The following FUT8 variants were observed in gnomAD, a reference collection of about 807,000 sequenced individuals.
FUT8 encodes alpha-(1,6)-fucosyltransferase.
A neutral mutation model predicts 71.3 loss-of-function variants in FUT8; 29 were observed. The ratio of observed to expected loss-of-function variants is 0.41; its 90% CI spans 0.30 to 0.55. The LOEUF is 0.55. FUT8 is among the 20% of genes least tolerant of loss of function. FUT8 has a pLI of 0.34. For missense variants in FUT8, 544 were observed against 702.1 expected, an observed-to-expected ratio of 0.77 and a Z score of 2.55; for synonymous variants, 254 against 239.3, an observed-to-expected ratio of 1.06 and a Z score of -0.57.
chr14:65,585,219 G>T (rs1250703346), intron 3 of FUT8, among the ~76,000 whole-genome samples: 1 of 151,886 alleles, frequency 6.6e-6, no homozygotes, highest in African/African-American at 2.4e-5. Context: ...TAAAGGCAGG[G>T]TTTCACTCTG....
At chr14:65,564,029 C>T (rs1442857773) in intron 3 of FUT8, among the ~76,000 whole-genome samples, 1 of 151,864 alleles carries the variant, frequency 6.6e-6, no homozygotes, top group African/African-American at 2.4e-5. Flanking sequence ...AGTTATTTTC[C>T]CTCAACCTCA....
At chr14:65,497,388 A>G (rs2066575889) in intron 2 of FUT8, among the ~76,000 whole-genome samples, 1 of 152,182 alleles carries the variant, frequency 6.6e-6, no homozygotes, top group African/African-American at 2.4e-5. Context: ...TGTGTTTGTC[A>G]TCTGAAACTC....
intron 3 of FUT8, among the ~76,000 whole-genome samples, chr14:65,612,419 GT>G (rs542422289): frequency 1.1e-3 from 174 of 152,294 alleles, no homozygotes; most frequent in African/African-American, 3.8e-3. Flanking sequence ...ATCAGGAACT[GT>G]TTCTACCTAA....
chr14:65,697,921 GCTGAGATCACGCCATT>G (rs1223579755), intron 7 of FUT8, among the ~76,000 whole-genome samples: 2 of 151,884 alleles, frequency 1.3e-5, no homozygotes, highest in East Asian at 3.9e-4. Flanking sequence ...GTTGCAGTGA[GCTGAGATCACGCCATT>G]CTGAGATCAC....
intron 2 of FUT8, among the ~76,000 whole-genome samples, chr14:65,474,582 T>C (rs2066206168): frequency 6.6e-6 from 1 of 151,912 alleles, no homozygotes; most frequent in South Asian, 2.1e-4. Context: ...AGCAAAACTC[T>C]GTCTCAAAAA....
At chr14:65,454,038 T>C (rs1040605130) in intron 1 of FUT8, among the ~76,000 whole-genome samples, 3 of 152,220 alleles carry the variant, frequency 2.0e-5, no homozygotes, top group African/African-American at 7.2e-5. Context: ...AGATCTACAC[T>C]AATTGTTGTT....
chr14:65,406,402 C>T (rs962210622), upstream of FUT8, among the ~76,000 whole-genome samples: 5 of 152,244 alleles, frequency 3.3e-5, no homozygotes, highest in African/African-American at 1.2e-4. Flanking sequence ...AATACCATGG[C>T]ACTGGCTTTT....
chr14:65,629,368 A>C, intron 5 of FUT8, 124 bp from the exon 6 acceptor site: 2 of 553,166 alleles, frequency 3.6e-6, no homozygotes, highest in Non-Finnish European at 6.4e-6. Context: ...AAAATAAAAG[A>C]TGAGTACCAG....
intron 3 of FUT8, among the ~76,000 whole-genome samples, chr14:65,592,411 T>G (rs1887741634): frequency 6.6e-6 from 1 of 152,060 alleles, no homozygotes; most frequent in South Asian, 2.1e-4. Flanking sequence ...ACCTAAGTGG[T>G]GAGGTCTGCT....
chr14:65,600,587 C>T (rs1888241577), intron 3 of FUT8, among the ~76,000 whole-genome samples: 1 of 152,064 alleles, frequency 6.6e-6, no homozygotes, highest in African/African-American at 2.4e-5. Context: ...TATTTTGCAG[C>T]TGTTAAAATA....
chr14:65,731,659 T>C (rs1342961044), intron 9 of FUT8, among the ~76,000 whole-genome samples: 1 of 152,144 alleles, frequency 6.6e-6, no homozygotes, highest in Non-Finnish European at 1.5e-5. Flanking sequence ...GGAACTTAGG[T>C]ACCTTTTTTT....
In FUT8 at chr14:65,603,903, G is replaced by T. The variant is rs1888435442; in HGVS notation, c.204-12075G>T. ...ATTGACATAAACTTAAGGTACAGGG[G>T]TGGAAAAAGACATTTCATGCAAATG... On this transcript the variant is annotated intron_variant, in intron 3 of 10. Transcript: ENST00000673929. The surrounding 1 kb of genome is among the most constrained non-coding windows in gnomAD (Gnocchi z 4.5). 1.3e-5 allele frequency among the ~76,000 whole-genome samples: 2 copies of T among 151,760 alleles called. No individual in the cohort carries two copies. The highest frequency in any genetic ancestry group is 1.3e-4 in the Admixed American group (2 of 15,198).
rs139735948 is a variant in FUT8 at position 65,658,366 on chromosome 14, A to G, written c.598-10877A>G. ...GAATGTAAAATGGTACAGCCATTCT[A>G]GGAAACAGTTTGGTAGTTCTCCATA... is the stretch of plus-strand genomic sequence containing the variant. On this transcript the variant is annotated intron_variant, in intron 6 of 10. Transcript: ENST00000673929. 2.0e-5 allele frequency among the ~76,000 whole-genome samples: 3 copies of G among 152,284 alleles called. No homozygotes were observed. In the East Asian group the frequency reaches 5.8e-4, roughly 29 times the overall value.
chr14:65,527,351 T>A (rs1030240494), intron 2 of FUT8, among the ~76,000 whole-genome samples: 1 of 152,220 alleles, frequency 6.6e-6, no homozygotes, highest in African/African-American at 2.4e-5. Flanking sequence ...TCCAGTTGAT[T>A]GAATCAGCTA....
chr14:65,543,406 AAG>A (rs1315475596), intron 2 of FUT8, among the ~76,000 whole-genome samples: 1 of 152,200 alleles, frequency 6.6e-6, no homozygotes, highest in African/African-American at 2.4e-5. Context: ...AATACTAATA[AAG>A]AGCTTGCTCT....
chr14:65,492,181 A>G (rs1038849780), intron 2 of FUT8, among the ~76,000 whole-genome samples: 26 of 152,216 alleles, frequency 1.7e-4, no homozygotes, highest in African/African-American at 5.1e-4. Context: ...AAGGTAAGTA[A>G]TATTTTTTTC....
At chr14:65,521,054 A>G (rs1883044108) in intron 2 of FUT8, among the ~76,000 whole-genome samples, 1 of 152,180 alleles carries the variant, frequency 6.6e-6, no homozygotes. Context: ...TTTGAAATCC[A>G]GGTAGAATAA....
At chr14:65,520,547 C>G (rs1804737353) in intron 2 of FUT8, among the ~76,000 whole-genome samples, 1 of 152,028 alleles carries the variant, frequency 6.6e-6, no homozygotes, top group Non-Finnish European at 1.5e-5. Context: ...ATGAACTAAT[C>G]AAAATGTTCC....
At chr14:65,386,503 CAAAAAAAAAAAAAAAA>C in the FUT8 span, among the ~76,000 whole-genome samples, 1 of 46,870 alleles carries the variant, frequency 2.1e-5, no homozygotes, top group Non-Finnish European at 5.1e-5. Flanking sequence ...GACCTCGTCT[CAAAAAAAAAAAAAAAA>C]AAAAAAAAAA....
Sources: allele counts gnomAD v4.1 joint callset (sites outside exome capture counted in the v4.1 genomes callset), GRCh38; gene constraint gnomAD v4.1.1; non-coding constraint Gnocchi (gnomAD v3.1); transcripts MANE v1.5; gene names NCBI Gene and HGNC (gene_info 2026-07-23, HGNC 2026-07-21).